The following CDK14 variants were observed in gnomAD, a reference collection of about 807,000 sequenced individuals.
The protein encoded by CDK14 is cyclin-dependent kinase 14.
CDK14 carries 34 observed loss-of-function variants against 60.7 expected under a neutral mutation model. The observed-to-expected ratio is 0.56, with a 90% CI of 0.43 to 0.75. The LOEUF (loss-of-function observed/expected upper bound fraction) is 0.75, where lower values mean the gene tolerates loss of function less well. CDK14 is among the 30% of genes least tolerant of loss of function. CDK14 has a pLI of 0.00. For synonymous variants in CDK14, 197 were observed against 203.7 expected, an observed-to-expected ratio of 0.97 and a Z score of 0.28; for missense variants, 482 against 564.1, an observed-to-expected ratio of 0.85 and a Z score of 1.47.
chr7:90,726,067 G>A (rs1451193040), intron 2 of CDK14, among the ~76,000 whole-genome samples: 1 of 151,998 alleles, frequency 6.6e-6, no homozygotes, highest in African/African-American at 2.4e-5. Context: ...ATCAAGATGG[G>A]GACAGATTTT....
intron 5 of CDK14, among the ~76,000 whole-genome samples, chr7:90,845,885 G>A (rs1262427441): frequency 6.6e-6 from 1 of 152,062 alleles, no homozygotes; most frequent in East Asian, 1.9e-4. Context: ...TCCTAGAATA[G>A]TGCATTCAGT....
chr7:90,602,936 T>C (rs1417930289), intron 1 of CDK14, among the ~76,000 whole-genome samples: 2 of 152,230 alleles, frequency 1.3e-5, no homozygotes, highest in Admixed American at 6.5e-5. Context: ...AAATAACCTT[T>C]TCACGATTGT....
intron 3 of CDK14, among the ~76,000 whole-genome samples, chr7:90,735,295 C>A (rs970908257): frequency 2.0e-5 from 3 of 152,158 alleles, no homozygotes; most frequent in African/African-American, 7.2e-5. Flanking sequence ...GTTCAGGGAC[C>A]CACTTGAGGA....
intron 4 of CDK14, among the ~76,000 whole-genome samples, chr7:90,789,768 A>G (rs569146953): frequency 2.8e-4 from 43 of 152,266 alleles, no homozygotes; most frequent in African/African-American, 9.4e-4. Context: ...CAAACAAACC[A>G]AATAAAGTAT....
At chr7:90,805,096 T>C (rs1317499071) in intron 5 of CDK14, among the ~76,000 whole-genome samples, 1 of 152,102 alleles carries the variant, frequency 6.6e-6, no homozygotes, top group African/African-American at 2.4e-5. Context: ...GATTTTTAAA[T>C]TGAGGTGTTT....
At chr7:90,629,990 G>A (rs948245660) in intron 2 of CDK14, among the ~76,000 whole-genome samples, 1 of 152,076 alleles carries the variant, frequency 6.6e-6, no homozygotes, top group Admixed American at 6.6e-5. Flanking sequence ...TAGCGGCCAA[G>A]ATAGTGCTAC....
intron 2 of CDK14, among the ~76,000 whole-genome samples, chr7:90,639,925 G>C (rs956600097): frequency 6.6e-6 from 1 of 152,136 alleles, no homozygotes; most frequent in Non-Finnish European, 1.5e-5. Flanking sequence ...CTCCGAGCCA[G>C]GTGCGGGATA....
At chr7:90,955,371 A>G (rs577141776) in intron 8 of CDK14, among the ~76,000 whole-genome samples, 51 of 152,296 alleles carry the variant, frequency 3.3e-4, no homozygotes, top group African/African-American at 1.1e-3. Context: ...CTTTCTCACA[A>G]TACTTATAAA....
intron 2 of CDK14, among the ~76,000 whole-genome samples, chr7:90,638,748 C>T (rs769474407): frequency 3.8e-4 from 58 of 152,192 alleles, no homozygotes; most frequent in Non-Finnish European, 6.3e-4. Context: ...TTATATTCTC[C>T]TCGTCACTTT....
intron 2 of CDK14, among the ~76,000 whole-genome samples, chr7:90,662,501 A>G (rs539193411): frequency 2.0e-5 from 3 of 152,368 alleles, no homozygotes; most frequent in East Asian, 3.9e-4. Context: ...CTTCATTGGC[A>G]TGATAGTGGA....
intron 14 of CDK14, among the ~76,000 whole-genome samples, chr7:91,190,251 G>A (rs1458109639): frequency 2.0e-5 from 3 of 152,144 alleles, no homozygotes; most frequent in African/African-American, 4.8e-5. Context: ...ACCTTGGAAA[G>A]GGGAGGAAAT....
chr7:90,988,207 C>T (rs1308415152), intron 10 of CDK14, among the ~76,000 whole-genome samples: 1 of 151,970 alleles, frequency 6.6e-6, no homozygotes, highest in Non-Finnish European at 1.5e-5. Context: ...TTAACAAGTT[C>T]AGTGAATTCA....
chr7:90,694,217 T>TGTTAAGAGTAATCTCTAAG (rs1801612330), intron 2 of CDK14, among the ~76,000 whole-genome samples: 1 of 152,168 alleles, frequency 6.6e-6, no homozygotes, highest in African/African-American at 2.4e-5. Flanking sequence ...TCAAATAAGA[T>TGTTAAGAGTAATCTCTAAG]GTTAAGAGTA....
intron 7 of CDK14, among the ~76,000 whole-genome samples, chr7:90,900,335 T>G (rs1792464511): frequency 6.6e-6 from 1 of 152,170 alleles, no homozygotes; most frequent in Admixed American, 6.6e-5. Flanking sequence ...TTGTGTTTTA[T>G]TAGATTGCCT....
chr7:91,040,371 T>C (rs1797054281), intron 10 of CDK14, among the ~76,000 whole-genome samples: 4 of 152,192 alleles, frequency 2.6e-5, no homozygotes. Flanking sequence ...TGAGTTCTGC[T>C]GAGCCACTTC....
intron 14 of CDK14, among the ~76,000 whole-genome samples, chr7:91,130,975 C>T (rs778433745): frequency 6.6e-6 from 1 of 152,116 alleles, no homozygotes; most frequent in Non-Finnish European, 1.5e-5. Context: ...CTTTTCCCGC[C>T]GAGCTCCCAT....
At chr7:90,610,714 C>G (rs977291746) in intron 2 of CDK14, among the ~76,000 whole-genome samples, 11 of 152,252 alleles carry the variant, frequency 7.2e-5, no homozygotes, top group Middle Eastern at 3.4e-3. Flanking sequence ...ATTGTTTTCC[C>G]TTAATGCATG....
At chr7:91,135,026 C>CA (rs1035610891) in intron 14 of CDK14, among the ~76,000 whole-genome samples, 76 of 151,564 alleles carry the variant, frequency 5.0e-4, no homozygotes, top group African/African-American at 1.7e-3. Flanking sequence ...ATATTTCTGT[C>CA]AAAAAAAAGC....
chr7:91,053,182 A>G (rs1236284208), intron 11 of CDK14, among the ~76,000 whole-genome samples: 1 of 152,252 alleles, frequency 6.6e-6, no homozygotes, highest in East Asian at 1.9e-4. Context: ...AAAGCATTTT[A>G]ATATATTATC....
Sources: allele counts gnomAD v4.1 joint callset (sites outside exome capture counted in the v4.1 genomes callset), GRCh38; gene constraint gnomAD v4.1.1; transcripts MANE v1.5; gene names NCBI Gene and HGNC (gene_info 2026-07-23, HGNC 2026-07-21).